Variants in PWP1 observed in about 807,000 individuals in gnomAD.
PWP1 encodes the protein periodic tryptophan protein 1 homolog.
A neutral mutation model predicts 69.9 loss-of-function variants in PWP1; 47 were observed. The observed-to-expected ratio is 0.67, with a 90% CI of 0.53 to 0.86. The LOEUF (loss-of-function observed/expected upper bound fraction) is 0.86, where lower values mean the gene tolerates loss of function less well. Among genes scored for constraint, PWP1 ranks in the 40% least tolerant of loss-of-function variants. The probability of loss-of-function intolerance (pLI) is 0.00; values close to 1 mark genes in which losing one functional copy is unlikely to be tolerated. For synonymous variants in PWP1, 222 were observed against 208.2 expected (o/e 1.07, Z -0.57); for missense variants, 551 against 608.8 (o/e 0.91, Z 1.00).
chr12:107,713,135 A>G lies in PWP1; in HGVS notation c.*915A>G, dbSNP rs940997012. 6.6e-6 allele frequency: 1 copy of G among 152,190 alleles called. No homozygotes were observed. 9.4% of individuals were successfully genotyped at this position (152,190 alleles called of 1,614,324 possible). A position where few individuals can be genotyped will look rare whatever the true frequency, so the allele number is the denominator to read the frequency against. ...AAACACCTTTTTATACAAAAGACAG[A>G]TGTGTGAATTAAAGAGATTAAAGGA... On this transcript the variant is annotated 3_prime_UTR_variant, in exon 15 of 15. Coordinates refer to ENST00000412830, the MANE Select transcript of PWP1 (RefSeq NM_007062.3).
Position 107,703,166 on chromosome 12 carries a change from T to G in PWP1, c.903+135T>G, listed in dbSNP as rs12423701. Reference sequence around the variant, plus strand: ...GCGGCATGCTTTCACATGTTATCTCTTAGGATTTTCACAAAGCCCTGTGTG... The same window carrying G: ...GCGGCATGCTTTCACATGTTATCTCGTAGGATTTTCACAAAGCCCTGTGTG... On this transcript the variant is annotated intron_variant, in intron 9 of 14. Transcript: ENST00000412830. 662 of 672,102 alleles carry G rather than the reference T, an allele frequency of 9.8e-4. 2 individuals are homozygous for G. The highest frequency in any genetic ancestry group is 8.7e-3 in the Admixed American group (316 of 36,340). The allele number at this position is 672,102 out of a possible 1,614,324, so 41.6% of individuals were successfully genotyped here.
At chr12:107,707,987 C>T (rs1477713405) in intron 11 of PWP1, among the ~76,000 whole-genome samples, 1 of 152,086 alleles carries the variant, frequency 6.6e-6, no homozygotes, top group Non-Finnish European at 1.5e-5. Context: ...TAGTAAGATT[C>T]ATGAAGTAAT....
Position 107,696,667 on chromosome 12 carries a change from A to C in PWP1, c.613+83A>C, listed in dbSNP as rs532767744. The C allele has an allele frequency of 6.0e-4, 947 of 1,570,232 alleles. 2 individuals carry two copies. In the African/African-American group the frequency reaches 0.011, roughly 19 times the overall value. ...CTCCATAAATTATGTATTCTCTTGA[A>C]TGTTTTCAGAATTGTTGCTGATATT... On this transcript the variant is annotated intron_variant, in intron 6 of 14. Transcript: ENST00000412830.
At position 107,710,397 on chromosome 12, in the gene PWP1, C is replaced by G; in HGVS notation, c.1291-8C>G. 1 of 1,612,960 alleles carries G rather than the reference C, an allele frequency of 6.2e-7. No homozygotes were observed. The highest frequency in any genetic ancestry group is 8.5e-7 in the Non-Finnish European group (1 of 1,179,386). On this transcript the variant is annotated splice_polypyrimidine_tract_variant and splice_region_variant and intron_variant, in intron 13 of 14. Coordinates refer to ENST00000412830, the MANE Select transcript of PWP1 (RefSeq NM_007062.3). ...ATTGAAATCACCATCTTCCTGTTCT[C>G]TCTCTAGGGAGTTCTCTTCTGTTCT...
intron 11 of PWP1, among the ~76,000 whole-genome samples, chr12:107,705,436 A>G (rs1446879398): frequency 6.6e-6 from 1 of 151,358 alleles, no homozygotes; most frequent in African/African-American, 2.4e-5. Context: ...TTTGTTACAT[A>G]TGTATACATG....
chr12:107,695,968 A>G (rs1889575412), intron 5 of PWP1, among the ~76,000 whole-genome samples: 2 of 149,900 alleles, frequency 1.3e-5, no homozygotes, highest in African/African-American at 2.4e-5. Context: ...CCTGTGGGGT[A>G]TGCCACAAGA....
chr12:107,712,166 A>C lies in PWP1; in HGVS notation c.1452A>C (p.Ser484=), dbSNP rs1889965817. ...ERLVLGSARN[S]SISGPFGSRS... ...TTGTTCTTGGGAGTGCAAGAAATTC[A>C]TCTATTAGTGGCCCTTTTGGCAGCA... is the stretch of plus-strand genomic sequence containing the variant. Residue 484 remains serine (S), a synonymous_variant, in exon 15 of 15, where the codon TCA becomes TCC. Coordinates refer to ENST00000412830, the MANE Select transcript of PWP1 (RefSeq NM_007062.3). 4 of 1,614,002 alleles carry C rather than the reference A, an allele frequency of 2.5e-6. No homozygotes were observed. Among genetic ancestry groups the C allele is most frequent in the Non-Finnish European group, 3.4e-6 (4 of 1,179,984 alleles).
chr12:107,692,583 T>C (rs1889500894), intron 3 of PWP1: 2 of 479,226 alleles, frequency 4.2e-6, no homozygotes, highest in East Asian at 3.7e-5. Flanking sequence ...AGTTCTTTCA[T>C]TGGAAGATTG....
chr12:107,697,734 A>T (rs550049108), intron 7 of PWP1, 137 bp downstream of exon 7: 1 of 914,538 alleles, frequency 1.1e-6, no homozygotes, highest in Non-Finnish European at 1.7e-6. Context: ...AAATTATTGT[A>T]ATTTTTAGTT....
At chr12:107,711,049 A>G (rs1346124265) in intron 14 of PWP1, among the ~76,000 whole-genome samples, 1 of 152,222 alleles carries the variant, frequency 6.6e-6, no homozygotes, top group Non-Finnish European at 1.5e-5. Context: ...ACAGCCCCGA[A>G]CAGAGATTTA....
chr12:107,690,948 T>C (rs1224020218), intron 3 of PWP1, among the ~76,000 whole-genome samples: 1 of 152,032 alleles, frequency 6.6e-6, no homozygotes, highest in African/African-American at 2.4e-5. Flanking sequence ...GAATAGGACA[T>C]GAGACATGGT....
At chr12:107,692,698 C>G (rs1286525894) in intron 3 of PWP1, 116 bp from the exon 4 acceptor site, 1 of 863,196 alleles carries the variant, frequency 1.2e-6, no homozygotes, top group Non-Finnish European at 1.8e-6. Context: ...TCTAGATGAT[C>G]CAGAGTTAGT....
At chr12:107,709,759 AAC>A (rs1350856541) in intron 13 of PWP1, among the ~76,000 whole-genome samples, 9 of 152,276 alleles carry the variant, frequency 5.9e-5, no homozygotes, top group African/African-American at 2.2e-4. Flanking sequence ...CAGACACAGT[AAC>A]ACTGCACAGC....
In PWP1 at chr12:107,685,955, A is replaced by C. The variant is rs747030058; in HGVS notation, c.56A>C (p.Lys19Thr). The C allele has an allele frequency of 6.2e-7, 1 of 1,613,938 alleles. No individual in the cohort carries two copies. ...CVAWVRCGVAKETPDKVELSK... is the reference protein window; with the variant it reads ...CVAWVRCGVATETPDKVELSK... ...GCCTGGGTCCGCTGCGGCGTGGCCA[A>C]AGAGACACCAGACAAGGTGAGGCCT... Residue 19 changes from lysine to threonine, a missense_variant, in exon 1 of 15, where the codon AAA becomes ACA. By Grantham distance (78) the Lys-to-Thr change is moderately conservative. Coordinates refer to ENST00000412830, the MANE Select transcript of PWP1 (RefSeq NM_007062.3).
chr12:107,702,873 T>A lies in PWP1; in HGVS notation c.807-62T>A. ...TGATGCTATTGTAAATGCAATCCTT[T>A]TCTCATATTTAATGCTCTTGACTTT... is the stretch of plus-strand genomic sequence containing the variant. On this transcript the variant is annotated intron_variant, in intron 8 of 14. Coordinates refer to ENST00000412830, the MANE Select transcript of PWP1 (RefSeq NM_007062.3). 1.4e-5 allele frequency: 14 copies of A among 1,017,650 alleles called. No homozygotes were observed. In the South Asian group the frequency reaches 1.5e-4, roughly 11 times the overall value. 63.0% of individuals were successfully genotyped at this position (1,017,650 alleles called of 1,614,324 possible). A position where few individuals can be genotyped will look rare whatever the true frequency, so the allele number is the denominator to read the frequency against.
rs1030003266 is a variant in PWP1, at chr12:107,708,982, T to G, written c.1134T>G (p.Ile378Met). Residue 378 changes from isoleucine (I) to methionine (M), a missense_variant, in exon 12 of 15, where the codon ATT (isoleucine) becomes ATG (methionine). Coordinates refer to ENST00000412830, the MANE Select transcript of PWP1 (RefSeq NM_007062.3). Reference sequence around the variant, plus strand: ...TGGATGCACGTTCAGATAAGCCAATTTTTACACTTAATGCACACAATGATG... The same window carrying G: ...TGGATGCACGTTCAGATAAGCCAATGTTTACACTTAATGCACACAATGATG... ...YNLDARSDKP[I>M]FTLNAHNDEI... 1.2e-6 allele frequency: 2 copies of G among 1,613,790 alleles called. No homozygotes were observed. The highest frequency in any genetic ancestry group is 2.7e-5 in the African/African-American group (2 of 74,908).
chr12:107,697,371 A>G, intron 6 of PWP1, 96 bp from the exon 7 acceptor site: 4 of 1,279,288 alleles, frequency 3.1e-6, no homozygotes, highest in Non-Finnish European at 4.2e-6. Flanking sequence ...CACTGCTCTA[A>G]AGCATTTTTC....
intron 3 of PWP1, among the ~76,000 whole-genome samples, chr12:107,689,060 C>T (rs1889431730): frequency 6.6e-6 from 1 of 152,184 alleles, no homozygotes; most frequent in Non-Finnish European, 1.5e-5. Context: ...AATCTGTAAC[C>T]CACTTGTGAG....
intron 11 of PWP1, 85 bp downstream of exon 11, chr12:107,704,832 C>A: frequency 1.7e-6 from 2 of 1,173,714 alleles, no homozygotes; most frequent in Non-Finnish European, 2.5e-6. Context: ...ATCTGAAAAG[C>A]TTTTTCTGTT....
Sources: gnomAD v4.1 joint callset for allele counts (sites outside exome capture counted in the v4.1 genomes callset) on GRCh38, gnomAD v4.1.1 for gene constraint, MANE v1.5 for transcripts, NCBI Gene and HGNC (gene_info 2026-07-23, HGNC 2026-07-21) for gene names.